Variants in AGBL1 observed in about 807,000 individuals in gnomAD.
The protein encoded by AGBL1 is cytosolic carboxypeptidase 4.
In AGBL1, 130 loss-of-function variants were observed where a neutral mutation model predicts 118.9. The observed-to-expected ratio is 1.09, with a 90% confidence interval of 0.95 to 1.26. The LOEUF (loss-of-function observed/expected upper bound fraction) is 1.26. Ranked by LOEUF, AGBL1 falls within the 50% of genes most tolerant of loss-of-function variation. AGBL1 has a pLI of 0.00. For missense variants in AGBL1, 1,584 were observed against 1,298.1 expected, an observed-to-expected ratio of 1.22 and a Z score of -3.38; for synonymous variants, 555 against 478.9, an observed-to-expected ratio of 1.16 and a Z score of -2.08.
rs577771930 is a variant in AGBL1 at position 86,476,260 on chromosome 15, G to T, written c.2556-46550G>T. ...AACCTTAAATGTAAATGGGCTAAAT[G>T]CTCCAATTAAAAGACACAGACTGGC... On this transcript the variant is annotated intron_variant, in intron 18 of 22. Coordinates refer to ENST00000614907, the MANE Select transcript of AGBL1 (RefSeq NM_001386094.1). 1.4e-4 allele frequency among the ~76,000 whole-genome samples: 21 copies of T among 152,278 alleles called. No individual in the cohort carries two copies. The East Asian group carries it at 2.5e-3, about 18-fold the overall frequency.
At chr15:86,820,450 A>G (rs2078924458) in intron 22 of AGBL1, among the ~76,000 whole-genome samples, 1 of 152,082 alleles carries the variant, frequency 6.6e-6, no homozygotes, top group South Asian at 2.1e-4. Context: ...TTACATGAGA[A>G]ACAATCCCAT....
chr15:86,256,618 T>C (rs1296735903), intron 7 of AGBL1, among the ~76,000 whole-genome samples: 2 of 152,214 alleles, frequency 1.3e-5, no homozygotes, highest in Non-Finnish European at 2.9e-5. Context: ...ATGTATGAAA[T>C]GAGCAAGAGA....
chr15:86,675,416 T>G (rs1326562124), intron 22 of AGBL1, among the ~76,000 whole-genome samples: 1 of 152,194 alleles, frequency 6.6e-6, no homozygotes, highest in Non-Finnish European at 1.5e-5. Flanking sequence ...GCCTTAATAC[T>G]GCTTTGGAAG....
intron 18 of AGBL1, among the ~76,000 whole-genome samples, chr15:86,433,959 C>T (rs1041761716): frequency 3.9e-5 from 6 of 152,158 alleles, no homozygotes; most frequent in African/African-American, 1.2e-4. Context: ...TAAAATGTTC[C>T]TGACTATATT....
chr15:86,211,062 A>T (rs958337195), intron 5 of AGBL1, among the ~76,000 whole-genome samples: 44 of 152,046 alleles, frequency 2.9e-4, no homozygotes, highest in African/African-American at 1.1e-3. Context: ...TTTTCCTTCT[A>T]AGAGTCAGGT....
intron 23 of AGBL1, among the ~76,000 whole-genome samples, chr15:86,981,412 A>G (rs1430537371): frequency 6.6e-6 from 1 of 152,194 alleles, no homozygotes; most frequent in Non-Finnish European, 1.5e-5. Flanking sequence ...AATGGACAGA[A>G]AAGCTAATGT....
At chr15:86,972,603 T>C (rs559047226) in intron 23 of AGBL1, among the ~76,000 whole-genome samples, 2 of 152,194 alleles carry the variant, frequency 1.3e-5, no homozygotes, top group South Asian at 4.1e-4. Context: ...CACTGAGCTT[T>C]TGGCCAGATA....
At chr15:86,555,809 T>G (rs765017327) in intron 21 of AGBL1, among the ~76,000 whole-genome samples, 1 of 152,136 alleles carries the variant, frequency 6.6e-6, no homozygotes, top group Non-Finnish European at 1.5e-5. Context: ...CGTACAAGGT[T>G]TTGTAGGGAC....
chr15:86,490,047 C>A (rs1020586997), intron 18 of AGBL1, among the ~76,000 whole-genome samples: 2 of 152,048 alleles, frequency 1.3e-5, no homozygotes, highest in African/African-American at 2.4e-5. Flanking sequence ...CTCAGGTTGC[C>A]TTGTGTTACC....
At chr15:86,215,415 T>C (rs1277501442) in intron 5 of AGBL1, among the ~76,000 whole-genome samples, 1 of 152,118 alleles carries the variant, frequency 6.6e-6, no homozygotes, top group East Asian at 1.9e-4. Flanking sequence ...CTTCACTTTC[T>C]TTTTCCGCTG....
At chr15:86,888,823 T>C (rs2080009718) in intron 22 of AGBL1, among the ~76,000 whole-genome samples, 1 of 152,132 alleles carries the variant, frequency 6.6e-6, no homozygotes, top group African/African-American at 2.4e-5. Context: ...CATAAAATAA[T>C]GTCAGAAAGA....
chr15:86,636,756 TATAC>T lies in AGBL1; in HGVS notation c.2995-37515_2995-37512del, dbSNP rs1362921704. Among the ~76,000 whole-genome samples the T allele has an allele frequency of 1.7e-3, 90 of 51,520 alleles. 7 individuals are homozygous for T. Among genetic ancestry groups the T allele is most frequent in the African/African-American group, 2.7e-3 (23 of 8,564 alleles). 33.8% of individuals were successfully genotyped at this position (51,520 alleles called of 152,430 possible). On this transcript the variant is annotated intron_variant, in intron 21 of 22. Transcript: ENST00000614907. ...ATATATATATATATATATATATATA[TATAC>T]ACATACATACAGAAAGGCAAGAGAA...
intron 18 of AGBL1, among the ~76,000 whole-genome samples, chr15:86,431,867 G>T (rs549036827): frequency 6.6e-6 from 1 of 152,158 alleles, no homozygotes; most frequent in South Asian, 2.1e-4. Context: ...GGGAAAGTCA[G>T]TTTTAAATCA....
intron 24 of AGBL1, among the ~76,000 whole-genome samples, chr15:87,015,032 C>A (rs948078506): frequency 2.6e-5 from 4 of 152,006 alleles, no homozygotes; most frequent in African/African-American, 9.7e-5. Flanking sequence ...CAGCTTGGGG[C>A]CCTGATGGAA....
chr15:86,230,698 G>T (rs992791384), intron 6 of AGBL1, among the ~76,000 whole-genome samples: 1 of 152,164 alleles, frequency 6.6e-6, no homozygotes, highest in Non-Finnish European at 1.5e-5. Context: ...TCAAATATTT[G>T]TTTTTAAAAA....
intron 1 of AGBL1, among the ~76,000 whole-genome samples, chr15:86,080,806 A>C (rs944427792): frequency 6.6e-6 from 1 of 152,030 alleles, no homozygotes; most frequent in Non-Finnish European, 1.5e-5. Context: ...GCTGAGAACC[A>C]CTACTCTCTA....
chr15:86,978,583 A>G (rs1414505157), intron 23 of AGBL1, among the ~76,000 whole-genome samples: 1 of 152,174 alleles, frequency 6.6e-6, no homozygotes, highest in Non-Finnish European at 1.5e-5. Context: ...TAGGACCAAA[A>G]TATAAACCAG....
chr15:86,448,935 T>G (rs1288204472), intron 18 of AGBL1, among the ~76,000 whole-genome samples: 1 of 152,166 alleles, frequency 6.6e-6, no homozygotes, highest in Non-Finnish European at 1.5e-5. Context: ...GGCAAGATAT[T>G]TGTATGGAGA....
chr15:86,431,256 C>G (rs2081932261), intron 18 of AGBL1, among the ~76,000 whole-genome samples: 1 of 152,204 alleles, frequency 6.6e-6, no homozygotes, highest in South Asian at 2.1e-4. Context: ...TTTCAGTACT[C>G]AAGTGGTCTT....
Sources: allele counts gnomAD v4.1 joint callset (sites outside exome capture counted in the v4.1 genomes callset), GRCh38; gene constraint gnomAD v4.1.1; transcripts MANE v1.5; gene names NCBI Gene and HGNC (gene_info 2026-07-23, HGNC 2026-07-21).